SLC44A5: variants seen among roughly 807,000 people sequenced by gnomAD.
SLC44A5 encodes solute carrier family 44 member 5.
Under a neutral mutation model 101.8 loss-of-function variants are expected in SLC44A5, and 57 were observed. The observed-to-expected ratio is 0.56, with a 90% CI of 0.45 to 0.70. The LOEUF (loss-of-function observed/expected upper bound fraction) is 0.70. Ranked by LOEUF, SLC44A5 falls within the 30% of genes least tolerant of loss-of-function variation. SLC44A5 has a pLI of 0.00. For missense variants in SLC44A5, 737 were observed against 853.1 expected (o/e 0.86, Z 1.70); for synonymous variants, 281 against 290.9 (o/e 0.97, Z 0.35).
chr1:75,438,756 A>G (rs997048718), intron 2 of SLC44A5, among the ~76,000 whole-genome samples: 1 of 152,122 alleles, frequency 6.6e-6, no homozygotes, highest in Non-Finnish European at 1.5e-5. Context: ...TTAGGCCCAT[A>G]GCACTCTCAA....
the SLC44A5 span, among the ~76,000 whole-genome samples, chr1:75,637,593 A>C: frequency 7.2e-4 from 109 of 152,106 alleles, 2 homozygotes; most frequent in East Asian, 0.016. Context: ...GTTGTACAAC[A>C]CTGTGAATTT....
intron 1 of SLC44A5, among the ~76,000 whole-genome samples, chr1:75,593,805 G>T (rs1674488449): frequency 6.6e-6 from 1 of 152,104 alleles, no homozygotes. Context: ...AACTCATGGA[G>T]ATAGAGAGTA....
At chr1:75,678,169 G>A in the SLC44A5 span, among the ~76,000 whole-genome samples, 1 of 152,180 alleles carries the variant, frequency 6.6e-6, no homozygotes, top group Non-Finnish European at 1.5e-5. Context: ...CTGCAAGGCT[G>A]AAGCGAGGCT....
chr1:75,342,571 T>C (rs1255342423), intron 3 of SLC44A5, among the ~76,000 whole-genome samples: 1 of 152,264 alleles, frequency 6.6e-6, no homozygotes, highest in East Asian at 1.9e-4. Flanking sequence ...TTGAACCATT[T>C]AGCAGTAAGT....
chr1:75,234,711 T>G (rs1647911752), intron 11 of SLC44A5, among the ~76,000 whole-genome samples: 2 of 152,032 alleles, frequency 1.3e-5, no homozygotes, highest in Admixed American at 6.6e-5. Context: ...GGGCCATTAT[T>G]TGGAATCATG....
At chr1:75,625,653 C>T in the SLC44A5 span, among the ~76,000 whole-genome samples, 2 of 152,094 alleles carry the variant, frequency 1.3e-5, no homozygotes, top group East Asian at 3.9e-4. Flanking sequence ...TTTTTGAGCC[C>T]CTATTTGGGC....
intron 5 of SLC44A5, among the ~76,000 whole-genome samples, chr1:75,278,752 AT>A (rs953075437): frequency 2.0e-5 from 3 of 152,162 alleles, no homozygotes; most frequent in African/African-American, 7.2e-5. Flanking sequence ...TGTATATTGA[AT>A]AGGAAAATCA....
intron 2 of SLC44A5, among the ~76,000 whole-genome samples, chr1:75,407,788 G>C (rs1223137604): frequency 6.6e-6 from 1 of 152,104 alleles, no homozygotes; most frequent in African/African-American, 2.4e-5. Context: ...TACCATTCAG[G>C]ACATAGGCAT....
At chr1:75,572,845 A>G (rs529808850) in intron 1 of SLC44A5, among the ~76,000 whole-genome samples, 13 of 152,202 alleles carry the variant, frequency 8.5e-5, no homozygotes, top group African/African-American at 3.1e-4. Context: ...AAATATGGCC[A>G]GGCGCAGTGG....
chr1:75,300,582 T>C (rs756601406), intron 5 of SLC44A5, 30 bp downstream of exon 5: 3 of 1,446,182 alleles, frequency 2.1e-6, no homozygotes, highest in South Asian at 1.3e-5. Flanking sequence ...TAGCAAGTGT[T>C]AAATATTTTC....
Position 75,213,768 on chromosome 1 carries a change from T to C in SLC44A5, c.1899A>G (p.Thr633=). 1.9e-6 allele frequency: 3 copies of C among 1,612,924 alleles called. No homozygotes were observed. The highest frequency in any genetic ancestry group is 2.5e-6 in the Non-Finnish European group (3 of 1,179,156). ...SIGVLAFLFF[T]QRLPVIAQGP... is the part of the protein sequence containing the mutation. ...CTTGTGCAATCACTGGCAGTCTTTG[T>C]GTGAAGAATAGGAAGGCCAGAACAC... The change falls in exon 22 of 24, where the codon ACA becomes ACG. Residue 633 remains threonine (T), a synonymous_variant. Coordinates refer to ENST00000370859, the MANE Select transcript of SLC44A5 (RefSeq NM_001130058.2).
At chr1:75,423,693 C>T (rs1267603848) in intron 2 of SLC44A5, among the ~76,000 whole-genome samples, 1 of 152,208 alleles carries the variant, frequency 6.6e-6, no homozygotes, top group African/African-American at 2.4e-5. Flanking sequence ...TCCCTGCTCC[C>T]AGGACGCACT....
chr1:75,543,085 C>A (rs1338189726), intron 1 of SLC44A5, among the ~76,000 whole-genome samples: 2 of 152,070 alleles, frequency 1.3e-5, no homozygotes, highest in Non-Finnish European at 2.9e-5. Context: ...AGATGCCATG[C>A]ATACACAATA....
intron 2 of SLC44A5, chr1:75,521,533 CA>C (rs1242071090): frequency 6.6e-6 from 1 of 152,106 alleles, no homozygotes; most frequent in African/African-American, 2.4e-5. Context: ...TACTACAAAA[CA>C]TAAAGGAGAA....
At chr1:75,388,436 C>T (rs955382049) in intron 3 of SLC44A5, among the ~76,000 whole-genome samples, 2 of 152,100 alleles carry the variant, frequency 1.3e-5, no homozygotes, top group African/African-American at 2.4e-5. Flanking sequence ...CTAACAACTA[C>T]ACAATTGAGA....
At chr1:75,720,821 A>G in the SLC44A5 span, among the ~76,000 whole-genome samples, 1 of 137,422 alleles carries the variant, frequency 7.3e-6, no homozygotes, top group Admixed American at 7.4e-5. Flanking sequence ...ACATTGGTTC[A>G]GTTCAGAAAG....
the SLC44A5 span, among the ~76,000 whole-genome samples, chr1:75,719,645 C>T: frequency 6.6e-6 from 1 of 152,184 alleles, no homozygotes; most frequent in African/African-American, 2.4e-5. Flanking sequence ...AGGCTCCTTT[C>T]ATTTTTGTTC....
the SLC44A5 span, among the ~76,000 whole-genome samples, chr1:75,691,093 C>T: frequency 2.6e-5 from 4 of 151,844 alleles, no homozygotes; most frequent in East Asian, 1.9e-4. Context: ...GTGTACTTTT[C>T]GCTTTCAGTA....
intron 2 of SLC44A5, among the ~76,000 whole-genome samples, chr1:75,528,444 C>T (rs533185086): frequency 1.3e-5 from 2 of 152,238 alleles, no homozygotes; most frequent in Admixed American, 6.5e-5. Context: ...ATGGATTTTA[C>T]GAAATTAAGA....
Sources: gnomAD v4.1 joint callset for allele counts (sites outside exome capture counted in the v4.1 genomes callset) on GRCh38, gnomAD v4.1.1 for gene constraint, MANE v1.5 for transcripts, NCBI Gene and HGNC (gene_info 2026-07-23, HGNC 2026-07-21) for gene names.